Variants in DESI2 observed in about 807,000 individuals in gnomAD.
DESI2 encodes the protein deubiquitinase DESI2.
DESI2 carries 10 observed loss-of-function variants against 24.1 expected under a neutral mutation model. The observed-to-expected ratio is 0.41, with a 90% confidence interval of 0.26 to 0.70. The LOEUF (loss-of-function observed/expected upper bound fraction) is 0.70, where lower values mean the gene tolerates loss of function less well. Among genes scored for constraint, DESI2 ranks in the 30% least tolerant of loss-of-function variants. The pLI, the probability that DESI2 is intolerant of heterozygous loss-of-function variation, is 0.29. For synonymous variants in DESI2, 71 were observed against 87.7 expected, an observed-to-expected ratio of 0.81 and a Z score of 1.06; for missense variants, 122 against 234.9, an observed-to-expected ratio of 0.52 and a Z score of 3.14.
chr1:244,661,873 T>G (rs1184920121), intron 1 of DESI2, among the ~76,000 whole-genome samples: 1 of 152,194 alleles, frequency 6.6e-6, no homozygotes. Flanking sequence ...TAAACATACG[T>G]GTGCATGTGT....
intron 1 of DESI2, among the ~76,000 whole-genome samples, chr1:244,664,568 C>T (rs867187451): frequency 6.6e-6 from 1 of 152,176 alleles, no homozygotes; most frequent in Non-Finnish European, 1.5e-5. Flanking sequence ...TAGCCAGGCC[C>T]ATGCCTGTGA....
rs571597445 is a variant in DESI2 at position 244,698,065 on chromosome 1, G to A, written c.351+6045G>A. Among the ~76,000 whole-genome samples, 5 of 152,202 alleles carry A rather than the reference G, an allele frequency of 3.3e-5. No homozygotes were observed. The East Asian group carries it at 5.8e-4, about 18-fold the overall frequency. ...AGGTGCCGGGCCAGGGTGGGGTAGCGGGGGCAGTTAATGGCCTTGTATTTT... is the reference window on the plus strand; with the variant it reads ...AGGTGCCGGGCCAGGGTGGGGTAGCAGGGGCAGTTAATGGCCTTGTATTTT... On this transcript the variant is annotated intron_variant, in intron 4 of 4. Coordinates refer to ENST00000302550, the MANE Select transcript of DESI2 (RefSeq NM_016076.5).
At chr1:244,699,866 G>A (rs1677375233) in intron 4 of DESI2, among the ~76,000 whole-genome samples, 1 of 152,172 alleles carries the variant, frequency 6.6e-6, no homozygotes. Flanking sequence ...TTAAGATGCT[G>A]CAAGCACTTT....
intron 1 of DESI2, among the ~76,000 whole-genome samples, chr1:244,661,172 C>T (rs1675826744): frequency 6.6e-6 from 1 of 152,174 alleles, no homozygotes; most frequent in South Asian, 2.1e-4. Flanking sequence ...AACAACTCCC[C>T]ATTTCTCCCT....
At chr1:244,665,424 C>G (rs761329191) in intron 1 of DESI2, among the ~76,000 whole-genome samples, 2 of 152,170 alleles carry the variant, frequency 1.3e-5, no homozygotes, top group African/African-American at 2.4e-5. Context: ...TTGTCCTCAT[C>G]TTACACCCCT....
chr1:244,661,509 A>G (rs1438275373), intron 1 of DESI2, among the ~76,000 whole-genome samples: 3 of 152,110 alleles, frequency 2.0e-5, no homozygotes, highest in Non-Finnish European at 2.9e-5. Context: ...TGCTGCACCC[A>G]TTAACTCATC....
rs562222512 is a variant in DESI2 at position 244,663,390 on chromosome 1, A to G, written c.42+10035A>G. 8.6e-5 allele frequency among the ~76,000 whole-genome samples: 13 copies of G among 151,910 alleles called. No homozygotes were observed. In the South Asian group the frequency reaches 2.3e-3, roughly 27 times the overall value. ...ACGGGGTTTCACCATGTTAGCCAGG[A>G]TGGTCTCGATCTCCTGACCTCGTGA... On this transcript the variant is annotated intron_variant, in intron 1 of 4. Transcript: ENST00000302550.
chr1:244,681,920 G>T (rs561660148), intron 1 of DESI2, among the ~76,000 whole-genome samples: 1 of 152,128 alleles, frequency 6.6e-6, no homozygotes, highest in Non-Finnish European at 1.5e-5. Context: ...GAATGAAGCC[G>T]CAGACCCTCG....
chr1:244,657,095 A>C (rs1675674043), intron 1 of DESI2, among the ~76,000 whole-genome samples: 1 of 152,256 alleles, frequency 6.6e-6, no homozygotes, highest in Non-Finnish European at 1.5e-5. Context: ...ATTATAAAGT[A>C]GTACCTATAC....
chr1:244,686,478 C>A lies in DESI2; in HGVS notation c.43-119C>A, dbSNP rs567299960. The A allele has an allele frequency of 4.6e-4, 313 of 679,898 alleles. No homozygotes were observed. The African/African-American group carries it at 5.1e-3, about 11-fold the overall frequency. The allele number at this position is 679,898 out of a possible 1,614,324, so 42.1% of individuals were successfully genotyped here. ...AGGCACAGAGCCACAGAGACAGGAC[C>A]ACTGGATCGTTATCATGGGAGTTTC... On this transcript the variant is annotated intron_variant, in intron 1 of 4. Coordinates refer to ENST00000302550, the MANE Select transcript of DESI2 (RefSeq NM_016076.5).
intron 4 of DESI2, chr1:244,694,749 T>G: frequency 3.3e-6 from 2 of 612,452 alleles, no homozygotes; most frequent in Middle Eastern, 4.4e-4. Flanking sequence ...ACCAGAGAGA[T>G]TCATTAAGTT....
intron 4 of DESI2, among the ~76,000 whole-genome samples, chr1:244,705,040 G>C (rs773216938): frequency 6.6e-6 from 1 of 152,132 alleles, no homozygotes; most frequent in Non-Finnish European, 1.5e-5. Flanking sequence ...AAGTGGGTCA[G>C]GGAGAGAAGT....
At chr1:244,692,351 G>A (rs1272049742) in intron 4 of DESI2, among the ~76,000 whole-genome samples, 1 of 151,932 alleles carries the variant, frequency 6.6e-6, no homozygotes, top group Non-Finnish European at 1.5e-5. Flanking sequence ...AGCCACTAAG[G>A]TTTCTCTTTG....
intron 1 of DESI2, among the ~76,000 whole-genome samples, chr1:244,661,554 C>A (rs1299745700): frequency 6.6e-6 from 1 of 151,600 alleles, no homozygotes; most frequent in African/African-American, 2.4e-5. Flanking sequence ...TGCTATCCCT[C>A]CCCGCTCCCC....
intron 4 of DESI2, among the ~76,000 whole-genome samples, chr1:244,703,050 G>A (rs1284847532): frequency 7.1e-6 from 1 of 141,582 alleles, no homozygotes; most frequent in African/African-American, 2.7e-5. Flanking sequence ...CACCCAGGCT[G>A]GAGTGCAGTG....
chr1:244,701,882 T>TA (rs1677479335), intron 4 of DESI2, among the ~76,000 whole-genome samples: 1 of 152,226 alleles, frequency 6.6e-6, no homozygotes, highest in Non-Finnish European at 1.5e-5. Context: ...GGCACTTGGT[T>TA]AATTTTAGTC....
chr1:244,653,180 C>T lies in DESI2; in HGVS notation c.-134C>T, dbSNP rs538641589. ...GGCTCGGCTGCCCGATGCTTCCGCC[C>T]CGGCTGCCGCGGGCCGGGCTGTACG... On this transcript the variant is annotated 5_prime_UTR_variant, in exon 1 of 5. Coordinates refer to ENST00000302550, the MANE Select transcript of DESI2 (RefSeq NM_016076.5). 22 of 910,524 alleles carry T rather than the reference C, an allele frequency of 2.4e-5. No individual in the cohort carries two copies. In the Admixed American group the frequency reaches 2.5e-4, roughly 10 times the overall value. The allele number at this position is 910,524 out of a possible 1,614,324, so 56.4% of individuals were successfully genotyped here. A position where few individuals can be genotyped will look rare whatever the true frequency, so the allele number is the denominator to read the frequency against.
At chr1:244,692,631 C>G (rs1677070291) in intron 4 of DESI2, among the ~76,000 whole-genome samples, 1 of 152,302 alleles carries the variant, frequency 6.6e-6, no homozygotes, top group East Asian at 1.9e-4. Flanking sequence ...GTGGCAGCGT[C>G]CAGGTGCCAC....
chr1:244,689,190 A>G lies in DESI2; in HGVS notation c.116-59A>G. On this transcript the variant is annotated intron_variant, in intron 2 of 4. Coordinates refer to ENST00000302550, the MANE Select transcript of DESI2 (RefSeq NM_016076.5). The surrounding 1 kb of genome is among the most constrained non-coding windows in gnomAD (Gnocchi z 4.0). The stretch of plus-strand genomic sequence containing the variant: ...TATCCTCAATTATTAAAGCTAATTC[A>G]GCATTCTGGTTAAATTTTATGTGAT... 1 of 843,128 alleles carries G rather than the reference A, an allele frequency of 1.2e-6. No homozygotes were observed. The highest frequency in any genetic ancestry group is 1.4e-5 in the South Asian group (1 of 69,510). The allele number at this position is 843,128 out of a possible 1,614,324, so 52.2% of individuals were successfully genotyped here.
Sources: allele counts gnomAD v4.1 joint callset (sites outside exome capture counted in the v4.1 genomes callset), GRCh38; gene constraint gnomAD v4.1.1; non-coding constraint Gnocchi (gnomAD v3.1); transcripts MANE v1.5; gene names NCBI Gene and HGNC (gene_info 2026-07-23, HGNC 2026-07-21).